Variants in BBS7 observed in about 807,000 individuals in gnomAD.
BBS7 encodes the protein Bardet-Biedl syndrome 7.
BBS7 carries 50 observed loss-of-function variants against 90.3 expected under a neutral mutation model. That is an observed-to-expected ratio of 0.55 (90% CI 0.44 to 0.70). BBS7 has a LOEUF of 0.70. Among genes scored for constraint, BBS7 ranks in the 30% least tolerant of loss-of-function variants. BBS7 has a pLI of 0.00. For synonymous variants in BBS7, 235 were observed against 287.4 expected, an observed-to-expected ratio of 0.82 and a Z score of 1.85; for missense variants, 729 against 838.9, an observed-to-expected ratio of 0.87 and a Z score of 1.62.
intron 7 of BBS7, 72 bp downstream of exon 7, chr4:121,854,632 G>A: frequency 7.1e-7 from 1 of 1,409,858 alleles, no homozygotes; most frequent in Non-Finnish European, 9.6e-7. Flanking sequence ...AGATAAAATA[G>A]AATAAATTAT....
At chr4:121,866,642 A>T (rs914861023) in intron 2 of BBS7, among the ~76,000 whole-genome samples, 1 of 152,194 alleles carries the variant, frequency 6.6e-6, no homozygotes. Context: ...ATCCTTCTGC[A>T]TATGAATATT....
chr4:121,829,563 C>T (rs1189186592), intron 15 of BBS7, among the ~76,000 whole-genome samples: 3 of 152,046 alleles, frequency 2.0e-5, no homozygotes, highest in Admixed American at 6.6e-5. Context: ...CGGCCAGGAT[C>T]GTTATTTTTC....
At chr4:121,828,784 C>CTAATCATAAA in intron 15 of BBS7, 56 bp from the exon 16 acceptor site, 1 of 1,044,282 alleles carries the variant, frequency 9.6e-7, no homozygotes, top group Non-Finnish European at 1.4e-6. Flanking sequence ...TTGTCCAGTA[C>CTAATCATAAA]ATATATATTT....
chr4:121,844,103 C>A (rs1011181264), intron 11 of BBS7, 102 bp from the exon 12 acceptor site: 6 of 720,216 alleles, frequency 8.3e-6, no homozygotes, highest in South Asian at 3.5e-5. Flanking sequence ...AGTTTATATT[C>A]ATCTTTAAAT....
intron 2 of BBS7, among the ~76,000 whole-genome samples, chr4:121,864,051 A>G (rs982705193): frequency 6.6e-6 from 1 of 152,208 alleles, no homozygotes; most frequent in African/African-American, 2.4e-5. Flanking sequence ...TCATAGAAGC[A>G]CAAACCCTAT....
rs41278085 is a variant in BBS7, at chr4:121,827,790, A to G, written c.2014+356T>C. 0.01 allele frequency: 9,783 copies of G among 950,580 alleles called. 682 individuals are homozygous for G. The African/African-American group carries it at 0.15, about 15-fold the overall frequency. 58.9% of individuals were successfully genotyped at this position (950,580 alleles called of 1,614,324 possible). On this transcript the variant is annotated intron_variant, in intron 18 of 18. Transcript: ENST00000264499. ...TAAATGCTGCATTTTTATAATTCAC[A>G]ATAGCAACAAAACATGACAATTATT... is the stretch of plus-strand genomic sequence containing the variant.
rs1725437717 is a variant in BBS7, at chr4:121,836,086, T to C, written c.1372-803A>G. Among the ~76,000 whole-genome samples the C allele has an allele frequency of 1.3e-5, 2 of 152,224 alleles. 1 individual carries two copies. Among genetic ancestry groups the C allele is most frequent in the African/African-American group, 4.8e-5 (2 of 41,472 alleles). On this transcript the variant is annotated intron_variant, in intron 13 of 18. Transcript: ENST00000264499. ...CTGTGAAAATAGAGATGCATACCTA[T>C]AATCTATGGCATATTTGGACTGGAA...
chr4:121,846,931 G>A (rs531029598), intron 10 of BBS7, among the ~76,000 whole-genome samples: 1 of 152,242 alleles, frequency 6.6e-6, no homozygotes, highest in South Asian at 2.1e-4. Flanking sequence ...ACGTCAAATT[G>A]AGCAGACCAT....
At position 121,854,684 on chromosome 4, in the gene BBS7, G is replaced by C; in HGVS notation, c.718+20C>G. On this transcript the variant is annotated intron_variant, in intron 7 of 18. Transcript: ENST00000264499. The stretch of plus-strand genomic sequence containing the variant: ...AATAATCATTGACACCTCAGAATCT[G>C]AACTACATGAAAAGCATACCTCCTC... The C allele has an allele frequency of 3.7e-6, 6 of 1,607,394 alleles. No individual in the cohort carries two copies. Among genetic ancestry groups the C allele is most frequent in the Non-Finnish European group, 5.1e-6 (6 of 1,176,024 alleles).
Position 121,845,516 on chromosome 4 carries a change from A to G in BBS7, c.1218T>C (p.Asn406=). 6.2e-7 allele frequency: 1 copy of G among 1,611,684 alleles called. No homozygotes were observed. Among genetic ancestry groups the G allele is most frequent in the Non-Finnish European group, 8.5e-7 (1 of 1,178,988 alleles). The change falls in exon 11 of 19, where the codon AAT becomes AAC. Residue 406 remains asparagine, a synonymous_variant. Transcript: ENST00000264499. Reference sequence around the variant, plus strand: ...ACATTTTGCTTACCTGTATTAAGACATTATCTATTGCAGTCTGTACCTCTA... The same window carrying G: ...ACATTTTGCTTACCTGTATTAAGACGTTATCTATTGCAGTCTGTACCTCTA... The part of the protein sequence containing the change: ...LILEVQTAID[N]VLIQSDVPID...
chr4:121,854,662 A>T (rs747981567), intron 7 of BBS7, 42 bp downstream of exon 7: 1 of 1,582,684 alleles, frequency 6.3e-7, no homozygotes, highest in Non-Finnish European at 8.6e-7. Flanking sequence ...GATACTTAAT[A>T]ATCATTGACA....
At position 121,852,607 on chromosome 4, in the gene BBS7, T is replaced by G. The variant is rs114801727; in HGVS notation, c.849+349A>C. Among the ~76,000 whole-genome samples, 1,045 of 152,208 alleles carry G rather than the reference T, an allele frequency of 6.9e-3. 19 individuals carry two copies. Among genetic ancestry groups the G allele is most frequent in the African/African-American group, 0.024 (999 of 41,554 alleles). ...CAATATGAAGTTTATTCCTAAAATC[T>G]TATTATTTTAAAACAACAGACTTAC... On this transcript the variant is annotated intron_variant, in intron 8 of 18. Transcript: ENST00000264499.
chr4:121,846,854 G>A (rs1272518855), intron 10 of BBS7, among the ~76,000 whole-genome samples: 3 of 152,176 alleles, frequency 2.0e-5, no homozygotes, highest in Admixed American at 2.0e-4. Flanking sequence ...AAAAGTTTCA[G>A]CAACTCCCAC....
intron 2 of BBS7, 137 bp downstream of exon 2, chr4:121,867,844 T>A: frequency 1.3e-6 from 1 of 781,748 alleles, no homozygotes; most frequent in East Asian, 2.7e-5. Context: ...TATTCCAGTT[T>A]CTGTTCAAAT....
chr4:121,856,423 C>A (rs150441504), intron 5 of BBS7, among the ~76,000 whole-genome samples: 1 of 152,076 alleles, frequency 6.6e-6, no homozygotes, highest in African/African-American at 2.4e-5. Flanking sequence ...TCAATGAATA[C>A]AAAATTTGCA....
At chr4:121,851,598 T>C (rs1317117552) in intron 8 of BBS7, among the ~76,000 whole-genome samples, 2 of 152,180 alleles carry the variant, frequency 1.3e-5, no homozygotes, top group Admixed American at 6.5e-5. Flanking sequence ...AAGAACTTGG[T>C]CCTTCCTCAA....
intron 5 of BBS7, 132 bp downstream of exon 5, chr4:121,858,860 T>A: frequency 1.2e-6 from 1 of 834,762 alleles, no homozygotes; most frequent in Non-Finnish European, 1.8e-6. Context: ...TATGTCAAAT[T>A]ATTTAAAAAT....
At chr4:121,870,217 G>A in intron 1 of BBS7, 61 bp downstream of exon 1, 1 of 1,606,852 alleles carries the variant, frequency 6.2e-7, no homozygotes, top group Non-Finnish European at 8.5e-7. Context: ...GTGGAAGGAA[G>A]GAATCCTCTC....
chr4:121,839,891 G>A (rs2149062229), intron 12 of BBS7, among the ~76,000 whole-genome samples, 195 bp from the exon 13 acceptor site: 1 of 152,274 alleles, frequency 6.6e-6, no homozygotes, highest in African/African-American at 2.4e-5. Flanking sequence ...AACAGATGAA[G>A]AAACTGAGGT....
Sources: gnomAD v4.1 joint callset for allele counts (sites outside exome capture counted in the v4.1 genomes callset) on GRCh38, gnomAD v4.1.1 for gene constraint, MANE v1.5 for transcripts, NCBI Gene and HGNC (gene_info 2026-07-23, HGNC 2026-07-21) for gene names.